The following PIAS1 variants were observed in gnomAD, a reference collection of about 807,000 sequenced individuals.
PIAS1 encodes the protein protein inhibitor of activated STAT 1.
Under a neutral mutation model 71.3 loss-of-function variants are expected in PIAS1, and 6 were observed. That is an observed-to-expected ratio of 0.08 (90% CI 0.05 to 0.17). PIAS1 has a LOEUF of 0.17. Ranked by LOEUF, PIAS1 falls within the 10% of genes least tolerant of loss-of-function variation. The pLI is 1.00. For missense variants in PIAS1, 555 were observed against 793.6 expected (o/e 0.70, Z 3.61); for synonymous variants, 303 against 292.9 (o/e 1.03, Z -0.35).
intron 7 of PIAS1, among the ~76,000 whole-genome samples, chr15:68,157,411 C>A (rs923817610): frequency 6.6e-6 from 1 of 152,098 alleles, no homozygotes; most frequent in Non-Finnish European, 1.5e-5. Flanking sequence ...TTGTTCTCAT[C>A]CGAATTTTTG....
At chr15:68,154,267 A>G (rs1278636446) in intron 7 of PIAS1, among the ~76,000 whole-genome samples, 1 of 152,178 alleles carries the variant, frequency 6.6e-6, no homozygotes, top group East Asian at 1.9e-4. Context: ...GATACGTTGA[A>G]TTTGAGATTC....
At position 68,176,546 on chromosome 15, in the gene PIAS1, A is replaced by C; in HGVS notation, c.1373A>C (p.Glu458Ala). The C allele has an allele frequency of 6.2e-7, 1 of 1,612,998 alleles. No homozygotes were observed. Among genetic ancestry groups the C allele is most frequent in the Non-Finnish European group, 8.5e-7 (1 of 1,179,430 alleles). The change falls in exon 11 of 14, where the codon GAA (glutamate) becomes GCA (alanine). Residue 458 changes from glutamate to alanine, a missense_variant. By Grantham distance (107) the Glu-to-Ala change is moderately radical. Around this residue, in one of 5 missense-constraint regions of PIAS1, gnomAD observed 244 missense variants for 307.5 expected, o/e 0.79. Coordinates refer to ENST00000249636, the MANE Select transcript of PIAS1 (RefSeq NM_016166.3). ...HQSSNKNKKV[E>A]VIDLTIDSSS... ...TCCTCAAATAAAAACAAGAAAGTAG[A>C]AGTGATTGACCTAACCATAGACAGT...
At chr15:68,111,955 G>C (rs1027154) in intron 2 of PIAS1, among the ~76,000 whole-genome samples, 11,831 of 152,020 alleles carry the variant, frequency 0.078, 513 homozygotes, top group Admixed American at 0.13. Context: ...GGTGACTTTT[G>C]TATCTTATTC....
intron 6 of PIAS1, among the ~76,000 whole-genome samples, chr15:68,151,707 C>CACACACACACACACACACACACA (rs140053964): frequency 3.0e-5 from 4 of 134,508 alleles, no homozygotes; most frequent in African/African-American, 1.1e-4. Flanking sequence ...CACACACACA[C>CACACACACACACACACACACACA]AAATTAGCTA....
chr15:68,076,474 T>C (rs1416382820), intron 1 of PIAS1, among the ~76,000 whole-genome samples: 4 of 152,142 alleles, frequency 2.6e-5, no homozygotes, highest in Non-Finnish European at 5.9e-5. Context: ...CACTCCAGCC[T>C]GGGCGACAGA....
chr15:68,124,995 T>A (rs1007875999), intron 2 of PIAS1, among the ~76,000 whole-genome samples: 1 of 152,244 alleles, frequency 6.6e-6, no homozygotes, highest in African/African-American at 2.4e-5. Flanking sequence ...CCGTATAATC[T>A]GTTTGTCGCC....
chr15:68,151,707 C>CACACACACACACAAAA (rs140053964), intron 6 of PIAS1, among the ~76,000 whole-genome samples: 5 of 134,508 alleles, frequency 3.7e-5, no homozygotes, highest in African/African-American at 1.4e-4. Context: ...CACACACACA[C>CACACACACACACAAAA]AAATTAGCTA....
At chr15:68,087,861 C>A in intron 2 of PIAS1, 1 of 346,674 alleles carries the variant, frequency 2.9e-6, no homozygotes, top group South Asian at 2.2e-5. Flanking sequence ...TCTGAATACA[C>A]GAAGATTATA....
intron 2 of PIAS1, among the ~76,000 whole-genome samples, chr15:68,134,513 C>T (rs1284833820): frequency 2.0e-5 from 1 of 50,808 alleles, no homozygotes; most frequent in African/African-American, 4.1e-5. Context: ...ACTGCCCTCC[C>T]GGACGGGGCG....
intron 1 of PIAS1, among the ~76,000 whole-genome samples, chr15:68,068,234 T>C (rs2092050846): frequency 6.6e-6 from 1 of 152,046 alleles, no homozygotes; most frequent in Non-Finnish European, 1.5e-5. Flanking sequence ...AGTAGCTGGC[T>C]GAGGCATGTG....
chr15:68,056,151 A>G (rs1033979470), intron 1 of PIAS1, among the ~76,000 whole-genome samples: 5 of 152,222 alleles, frequency 3.3e-5, no homozygotes, highest in African/African-American at 1.2e-4. Flanking sequence ...TGTTGCTGTG[A>G]TCTTTGCCTT....
rs2092284633 is a variant in PIAS1 at position 68,086,591 on chromosome 15, G to T, written c.310G>T (p.Ala104Ser). The T allele has an allele frequency of 1.9e-6, 3 of 1,613,820 alleles. No individual in the cohort carries two copies. Among genetic ancestry groups the T allele is most frequent in the Non-Finnish European group, 2.5e-6 (3 of 1,179,818 alleles). ...IPQLTYDGHP[A>S]SSPLLPVSLL... The stretch of plus-strand genomic sequence containing the variant: ...ACAACTCACTTACGATGGTCACCCT[G>T]CATCATCGCCATTACTCCCTGTTTC... Residue 104 changes from alanine to serine, a missense_variant, in exon 2 of 14, where the codon GCA becomes TCA. By Grantham distance (99) the Ala-to-Ser change is moderately conservative. This residue lies in a region of PIAS1 where 80 missense variants were observed against 66.9 expected (regional missense o/e 1.20). Transcript: ENST00000249636. This position sits in a 1 kb window ranked among gnomAD's most constrained non-coding sequence, Gnocchi z 7.2.
rs1245006053 is a variant in PIAS1, at chr15:68,086,674, A to G, written c.393A>G (p.Pro131=). ...ELPHLTSALH[P]VHPDIKLQKL... Reference sequence around the variant, plus strand: ...CACATCTTACATCAGCTCTTCACCCAGTCCATCCGGATATAAAACTTCAAA... The same window carrying G: ...CACATCTTACATCAGCTCTTCACCCGGTCCATCCGGATATAAAACTTCAAA... Residue 131 remains proline, a synonymous_variant, in exon 2 of 14, where the codon CCA becomes CCG. Transcript: ENST00000249636. This position sits in a 1 kb window ranked among gnomAD's most constrained non-coding sequence, Gnocchi z 7.2. 1 of 1,613,636 alleles carries G rather than the reference A, an allele frequency of 6.2e-7. No individual in the cohort carries two copies. The highest frequency in any genetic ancestry group is 8.5e-7 in the Non-Finnish European group (1 of 1,179,578).
chr15:68,145,745 A>G, intron 4 of PIAS1, 71 bp from the exon 5 acceptor site: 1 of 860,692 alleles, frequency 1.2e-6, no homozygotes, highest in Non-Finnish European at 1.9e-6. Context: ...TTTTAAATTT[A>G]TCTATTTAAC....
Position 68,176,553 on chromosome 15 carries a change from T to C in PIAS1, c.1380T>C (p.Ile460=). The C allele has an allele frequency of 6.2e-7, 1 of 1,613,034 alleles. No individual in the cohort carries two copies. The change falls in exon 11 of 14, where the codon ATT becomes ATC. Residue 460 remains isoleucine (I), a synonymous_variant. Coordinates refer to ENST00000249636, the MANE Select transcript of PIAS1 (RefSeq NM_016166.3). ...ATAAAAACAAGAAAGTAGAAGTGAT[T>C]GACCTAACCATAGACAGTTCATCTG... is the stretch of plus-strand genomic sequence containing the variant. ...SSNKNKKVEV[I]DLTIDSSSDE... is the part of the protein sequence containing the mutation.
At position 68,188,953 on chromosome 15, in the gene PIAS1, G is replaced by A. The variant is rs1048598910; in HGVS notation, c.*1118G>A. ...AAATAAATTGTTTGGAAAGTACAAT[G>A]CACCACATTTTTGTAGAAGTCTACT... On this transcript the variant is annotated 3_prime_UTR_variant, in exon 14 of 14. Transcript: ENST00000249636. 1.3e-5 allele frequency: 2 copies of A among 152,182 alleles called. No homozygotes were observed. Among genetic ancestry groups the A allele is most frequent in the African/African-American group, 4.8e-5 (2 of 41,444 alleles). The allele number at this position is 152,182 out of a possible 1,614,324, so 9.4% of individuals were successfully genotyped here. A position where few individuals can be genotyped will look rare whatever the true frequency, so the allele number is the denominator to read the frequency against.
intron 2 of PIAS1, among the ~76,000 whole-genome samples, chr15:68,096,521 A>G (rs906737684): frequency 2.6e-5 from 4 of 151,862 alleles, no homozygotes; most frequent in South Asian, 2.1e-4. Context: ...TGCTTTGAGT[A>G]TTATGGACAT....
At chr15:68,179,751 A>AT in intron 11 of PIAS1, among the ~76,000 whole-genome samples, 1 of 149,464 alleles carries the variant, frequency 6.7e-6, no homozygotes, top group East Asian at 2.0e-4. Flanking sequence ...AATTTTTTGT[A>AT]TTTTTTAGTA....
At chr15:68,132,696 G>A (rs1016661893) in intron 2 of PIAS1, among the ~76,000 whole-genome samples, 6 of 152,090 alleles carry the variant, frequency 3.9e-5, no homozygotes, top group Admixed American at 1.3e-4. Flanking sequence ...TATAAAACTA[G>A]GGTTAAGTTC....
Sources: allele counts gnomAD v4.1 joint callset (sites outside exome capture counted in the v4.1 genomes callset), GRCh38; gene constraint gnomAD v4.1.1; regional missense constraint gnomAD v4.1.1; non-coding constraint Gnocchi (gnomAD v3.1); transcripts MANE v1.5; gene names NCBI Gene and HGNC (gene_info 2026-07-23, HGNC 2026-07-21).